NUDT6: variants seen among roughly 807,000 people sequenced by gnomAD.
The protein encoded by NUDT6 is nudix hydrolase 6, also known as FAD diphosphatase NUDT6.
In NUDT6, 24 loss-of-function variants were observed where a neutral mutation model predicts 36.8. That is an observed-to-expected ratio of 0.65 (90% CI 0.47 to 0.92). The LOEUF (loss-of-function observed/expected upper bound fraction) is 0.92, where lower values mean the gene tolerates loss of function less well. NUDT6 is among the 40% of genes least tolerant of loss of function. The probability of loss-of-function intolerance (pLI) is 0.00; values close to 1 mark genes in which losing one functional copy is unlikely to be tolerated. For synonymous variants in NUDT6, 163 were observed against 157.0 expected, an observed-to-expected ratio of 1.04 and a Z score of -0.29; for missense variants, 388 against 392.8, an observed-to-expected ratio of 0.99 and a Z score of 0.10.
Position 122,893,185 on chromosome 4 carries a change from T to A in NUDT6, c.594A>T (p.Ile198=). 6.2e-7 allele frequency: 1 copy of A among 1,612,658 alleles called. No homozygotes were observed. The highest frequency in any genetic ancestry group is 8.5e-7 in the Non-Finnish European group (1 of 1,179,226). ...TCAGGACGGACCTGAATTCTGATTT[T>A]ATACCAGTCTCTTCAAAAACTTCTC... is the stretch of plus-strand genomic sequence containing the variant. ...AVREVFEETG[I]KSEFRSVLSI... is the part of the protein sequence containing the mutation. Residue 198 remains isoleucine (I), a synonymous_variant, in exon 5 of 5, where the codon ATA becomes ATT. Transcript: ENST00000304430.
intron 3 of NUDT6, among the ~76,000 whole-genome samples, chr4:122,910,628 C>T (rs1487761968): frequency 6.6e-6 from 1 of 152,150 alleles, no homozygotes; most frequent in Non-Finnish European, 1.5e-5. Context: ...ATGGTTTACC[C>T]TTTTCTTTCC....
intron 2 of NUDT6, 97 bp from the exon 3 acceptor site, chr4:122,912,720 C>A: frequency 1.3e-6 from 1 of 766,520 alleles, no homozygotes; most frequent in Non-Finnish European, 2.2e-6. Flanking sequence ...AAATTCTACC[C>A]ATACTTGAAG....
chr4:122,900,971 C>G (rs1390242706), intron 3 of NUDT6, among the ~76,000 whole-genome samples: 2 of 152,056 alleles, frequency 1.3e-5, no homozygotes, highest in Non-Finnish European at 2.9e-5. Context: ...GAAAATGTAG[C>G]CTATGAGATT....
At position 122,898,636 on chromosome 4, in the gene NUDT6, CAG is replaced by C. The variant is rs1727438708; in HGVS notation, c.499-960_499-959del. 4.6e-5 allele frequency among the ~76,000 whole-genome samples: 7 copies of C among 152,264 alleles called. No individual in the cohort carries two copies. The South Asian group carries it at 1.5e-3, about 32-fold the overall frequency. ...GGTTGGAGACCAGTGGCATGGTTCC[CAG>C]AGTTTCCATAGACTGTTGATTATGT... is the stretch of plus-strand genomic sequence containing the variant. On this transcript the variant is annotated intron_variant, in intron 3 of 4. Transcript: ENST00000304430.
At chr4:122,916,174 T>C (rs1248836937) in intron 2 of NUDT6, among the ~76,000 whole-genome samples, 3 of 152,064 alleles carry the variant, frequency 2.0e-5, no homozygotes, top group Non-Finnish European at 4.4e-5. Context: ...AATTTTCAGG[T>C]CCCACCATAG....
intron 3 of NUDT6, among the ~76,000 whole-genome samples, chr4:122,908,014 C>G (rs1727655880): frequency 6.6e-6 from 1 of 152,100 alleles, no homozygotes; most frequent in Admixed American, 6.6e-5. Flanking sequence ...TAACAAAAAG[C>G]CTGGATCCTT....
At chr4:122,913,347 TA>T (rs1727768122) in intron 2 of NUDT6, 2 of 152,166 alleles carry the variant, frequency 1.3e-5, no homozygotes, top group South Asian at 4.1e-4. Flanking sequence ...GCCTCTTTCA[TA>T]AGGACACTAA....
chr4:122,899,356 C>T (rs987755958), intron 3 of NUDT6, among the ~76,000 whole-genome samples: 10 of 151,994 alleles, frequency 6.6e-5, no homozygotes, highest in Non-Finnish European at 1.3e-4. Flanking sequence ...GAAAACAGCT[C>T]ACACAAATTT....
chr4:122,920,444 A>G (rs1397969677), intron 1 of NUDT6: 1 of 152,248 alleles, frequency 6.6e-6, no homozygotes, highest in African/African-American at 2.4e-5. Flanking sequence ...TGTTTTATTG[A>G]AAAAATATAA....
intron 1 of NUDT6, chr4:122,918,596 G>T (rs1252843461): frequency 1.3e-5 from 2 of 152,166 alleles, no homozygotes; most frequent in Non-Finnish European, 2.9e-5. Flanking sequence ...TGTCTTTGGG[G>T]GTTGATTATA....
At chr4:122,912,412 T>C (rs1268520935) in intron 3 of NUDT6, among the ~76,000 whole-genome samples, 156 bp downstream of exon 3, 2 of 152,148 alleles carry the variant, frequency 1.3e-5, no homozygotes, top group Admixed American at 6.6e-5. Flanking sequence ...AGTAGTTTGG[T>C]TTAAATAAAT....
intron 1 of NUDT6, chr4:122,921,619 C>CAAAAAAAAAAAAAAAA (rs758469782): frequency 2.1e-5 from 1 of 48,042 alleles, no homozygotes; most frequent in African/African-American, 4.9e-5. Flanking sequence ...AAAAAAAAAA[C>CAAAAAAAAAAAAAAAA]AAACTGTACA....
At chr4:122,914,156 G>A in intron 2 of NUDT6, among the ~76,000 whole-genome samples, 1 of 152,222 alleles carries the variant, frequency 6.6e-6, no homozygotes, top group South Asian at 2.1e-4. Flanking sequence ...ATTAGAAGGT[G>A]ATAAATGCTA....
upstream of NUDT6, chr4:122,922,812 G>A: frequency 1.7e-6 from 1 of 576,982 alleles, no homozygotes; most frequent in East Asian, 2.9e-5. Context: ...TATTTTGTTT[G>A]GTAGTTTAAT....
rs762372671 is a variant in NUDT6 at position 122,922,594 on chromosome 4, C to T, written c.-22G>A. 1.5e-5 allele frequency: 24 copies of T among 1,578,932 alleles called. No individual in the cohort carries two copies. The highest frequency in any genetic ancestry group is 5.6e-5 in the South Asian group (5 of 88,730). ...GCATCTCCACGCCGCTTAATTCGTC[C>T]GTTGCCCAAATGACCCCTCCGCGCT... On this transcript the variant is annotated 5_prime_UTR_variant, in exon 1 of 5. Transcript: ENST00000304430.
At chr4:122,898,084 T>C (rs1244997436) in intron 3 of NUDT6, 1 of 163,138 alleles carries the variant, frequency 6.1e-6, no homozygotes, top group African/African-American at 2.4e-5. Flanking sequence ...TAAAATATGC[T>C]ATTTTAAAAT....
chr4:122,910,709 G>A (rs947157158), intron 3 of NUDT6, among the ~76,000 whole-genome samples: 1 of 152,150 alleles, frequency 6.6e-6, no homozygotes, highest in Admixed American at 6.5e-5. Context: ...GTACATGGAA[G>A]ATACATAGAA....
At position 122,906,973 on chromosome 4, in the gene NUDT6, C is replaced by T. The variant is rs139387797; in HGVS notation, c.498+5595G>A. Among the ~76,000 whole-genome samples the T allele has an allele frequency of 5.7e-3, 875 of 152,212 alleles. 9 individuals are homozygous for T. The highest frequency in any genetic ancestry group is 8.5e-3 in the Non-Finnish European group (579 of 68,000). Reference sequence around the variant, plus strand: ...GGAAGTTACCCTATTTGGTCTAAAACGGGGAGGAACCCTCAGTTCCGGGAA... The same window carrying T: ...GGAAGTTACCCTATTTGGTCTAAAATGGGGAGGAACCCTCAGTTCCGGGAA... On this transcript the variant is annotated intron_variant, in intron 3 of 4. Transcript: ENST00000304430.
At chr4:122,897,375 C>T in intron 4 of NUDT6, 1 of 464,594 alleles carries the variant, frequency 2.2e-6, no homozygotes, top group Non-Finnish European at 3.9e-6. Context: ...CAGATTAATC[C>T]AGAAGCAGTC....
Sources: gnomAD v4.1 joint callset for allele counts (sites outside exome capture counted in the v4.1 genomes callset) on GRCh38, gnomAD v4.1.1 for gene constraint, MANE v1.5 for transcripts, NCBI Gene and HGNC (gene_info 2026-07-23, HGNC 2026-07-21) for gene names.